Variants in SRL observed in about 807,000 individuals in gnomAD.
The protein encoded by SRL is sarcalumenin.
In SRL, 23 loss-of-function variants were observed where a neutral mutation model predicts 39.5. The observed-to-expected ratio is 0.58, with a 90% CI of 0.42 to 0.82. The LOEUF (loss-of-function observed/expected upper bound fraction) is 0.82. SRL is among the 40% of genes least tolerant of loss of function. SRL has a pLI of 0.00. For synonymous variants in SRL, 272 were observed against 237.4 expected (o/e 1.15, Z -1.34); for missense variants, 592 against 607.8 (o/e 0.97, Z 0.27).
intron 1 of SRL, among the ~76,000 whole-genome samples, chr16:4,206,173 G>A (rs762858156): frequency 3.3e-5 from 5 of 151,998 alleles, no homozygotes; most frequent in East Asian, 3.9e-4. Context: ...TCCTGGCCCC[G>A]AGCCCTTTGA....
At position 4,192,236 on chromosome 16, in the gene SRL, C is replaced by T. The variant is rs754989109; in HGVS notation, c.1339G>A (p.Gly447Arg). Residue 447 changes from glycine (G) to arginine (R), a missense_variant, in exon 6 of 6, where the codon GGG becomes AGG. Physicochemically the swap from Gly to Arg is moderately radical, Grantham distance 125 (BLOSUM62 -2). Transcript: ENST00000399609. This position sits in a 1 kb window ranked among gnomAD's most constrained non-coding sequence, Gnocchi z 4.0. ...AGAGCACCTGGATTCTTCCCGAGCC[C>T]GAGGCTACCCAGGAGGCCCGGAAGC... The part of the protein sequence containing the change: ...QELPGLLGSL[G>R]LGKNPGALNC... The T allele has an allele frequency of 1.5e-5, 24 of 1,611,022 alleles. No individual in the cohort carries two copies. The highest frequency in any genetic ancestry group is 1.8e-5 in the Non-Finnish European group (21 of 1,178,940).
At chr16:4,218,251 G>A (rs1006631039) in intron 1 of SRL, among the ~76,000 whole-genome samples, 4 of 152,068 alleles carry the variant, frequency 2.6e-5, no homozygotes, top group African/African-American at 9.7e-5. Context: ...ACGCAAACGC[G>A]CACTCAGGAA....
intron 1 of SRL, among the ~76,000 whole-genome samples, chr16:4,227,454 T>C (rs555358910): frequency 4.9e-4 from 73 of 150,430 alleles, no homozygotes; most frequent in African/African-American, 1.7e-3. Context: ...GGTGCGTGGA[T>C]AAGTGAATGG....
intron 5 of SRL, 150 bp downstream of exon 5, chr16:4,195,403 G>T: frequency 1.3e-6 from 1 of 749,828 alleles, no homozygotes; most frequent in Non-Finnish European, 2.2e-6. Context: ...TCACTATGTT[G>T]CTCAGGCTGG....
intron 3 of SRL, among the ~76,000 whole-genome samples, chr16:4,198,950 T>C (rs9673193): frequency 0.12 from 17,734 of 152,026 alleles, 3,315 homozygotes; most frequent in African/African-American, 0.4. Context: ...TCAAATCCAG[T>C]GGACAGGGAG....
chr16:4,229,236 G>C (rs920872228), intron 1 of SRL, among the ~76,000 whole-genome samples: 1 of 152,078 alleles, frequency 6.6e-6, no homozygotes, highest in Non-Finnish European at 1.5e-5. Flanking sequence ...AAGGACAGGA[G>C]ATCGAGACCA....
intron 2 of SRL, 30 bp downstream of exon 2, chr16:4,204,503 G>A (rs1450984596): frequency 1.3e-6 from 2 of 1,498,640 alleles, no homozygotes; most frequent in South Asian, 1.2e-5. Context: ...GGCTCTCCCA[G>A]CCCTGGGCAT....
intron 3 of SRL, among the ~76,000 whole-genome samples, chr16:4,201,438 A>G (rs1034055464): frequency 5.3e-5 from 8 of 151,380 alleles, no homozygotes; most frequent in Non-Finnish European, 7.4e-5. Flanking sequence ...CACCACACCC[A>G]GCCAATTTTT....
chr16:4,232,563 T>C (rs2052671047), intron 1 of SRL, among the ~76,000 whole-genome samples: 1 of 151,164 alleles, frequency 6.6e-6, no homozygotes. Context: ...CAGACTGGAG[T>C]GCACTGGCAC....
At chr16:4,230,063 A>AC (rs1449033705) in intron 1 of SRL, among the ~76,000 whole-genome samples, 1 of 151,250 alleles carries the variant, frequency 6.6e-6, no homozygotes, top group Non-Finnish European at 1.5e-5. Context: ...TCAGAGACAC[A>AC]CCCCCTAGGA....
chr16:4,220,681 C>A (rs752817106), intron 1 of SRL, among the ~76,000 whole-genome samples: 11 of 152,174 alleles, frequency 7.2e-5, no homozygotes, highest in African/African-American at 2.4e-4. Flanking sequence ...CTCTGGTGAA[C>A]TTTGTGTCAC....
intron 5 of SRL, among the ~76,000 whole-genome samples, chr16:4,195,128 T>A (rs1228190376): frequency 6.6e-6 from 1 of 151,456 alleles, no homozygotes; most frequent in African/African-American, 2.5e-5. Flanking sequence ...CACCTGGGCT[T>A]AAGTGATCCA....
rs555425307 is a variant in SRL, at chr16:4,205,742, G to A, written c.62-1108C>T. ...CGGGCAGGACCTTCCACAGGGCTTTGGGTTTCATCCCAAGAGCAATGGGAG... is the reference window on the plus strand; with the variant it reads ...CGGGCAGGACCTTCCACAGGGCTTTAGGTTTCATCCCAAGAGCAATGGGAG... On this transcript the variant is annotated intron_variant, in intron 1 of 5. Coordinates refer to ENST00000399609, the MANE Select transcript of SRL (RefSeq NM_001098814.2). Among the ~76,000 whole-genome samples the A allele has an allele frequency of 5.3e-5, 8 of 152,218 alleles. No individual in the cohort carries two copies. The South Asian group carries it at 1.7e-3, about 32-fold the overall frequency.
At chr16:4,193,974 T>A (rs1306075592) in intron 5 of SRL, among the ~76,000 whole-genome samples, 2 of 151,188 alleles carry the variant, frequency 1.3e-5, no homozygotes, top group Admixed American at 6.6e-5. Context: ...ACTACTAATA[T>A]TATTAATTGC....
intron 1 of SRL, among the ~76,000 whole-genome samples, chr16:4,224,282 C>A (rs1804091480): frequency 6.6e-6 from 1 of 152,164 alleles, no homozygotes; most frequent in South Asian, 2.1e-4. Flanking sequence ...AAAACACCAA[C>A]CCTGCCCACC....
Position 4,190,092 on chromosome 16 carries a change from A to C in SRL, c.*2061T>G. 2.5e-6 allele frequency: 1 copy of C among 396,834 alleles called. No individual in the cohort carries two copies. The allele number at this position is 396,834 out of a possible 1,614,324, so 24.6% of individuals were successfully genotyped here. ...CTTTCCTGGTCGACTCGTTCCTTGG[A>C]AACATTGTCCTGAGTGCCCTGGAAC... On this transcript the variant is annotated 3_prime_UTR_variant, in exon 6 of 6. Coordinates refer to ENST00000399609, the MANE Select transcript of SRL (RefSeq NM_001098814.2).
In SRL at chr16:4,203,183, C is replaced by T. The variant is rs201821689; in HGVS notation, c.242G>A (p.Arg81Gln). 57 of 1,614,084 alleles carry T rather than the reference C, an allele frequency of 3.5e-5. No homozygotes were observed. Among genetic ancestry groups the T allele is most frequent in the East Asian group, 2.0e-4 (9 of 44,892 alleles). Residue 81 changes from arginine (R) to glutamine (Q), a missense_variant, in exon 3 of 6, where the codon CGG becomes CAG. Physicochemically the swap from Arg to Gln is conservative, Grantham distance 43. Coordinates refer to ENST00000399609, the MANE Select transcript of SRL (RefSeq NM_001098814.2). The stretch of plus-strand genomic sequence containing the variant: ...AGCCCTACCTGTGATCTCATGCTGC[C>T]GGAGCTCATTGTACTTGTAGGACTG... ...LEQSYKYNEL[R>Q]QHEITDGEIT...
In SRL at chr16:4,195,566, C is replaced by T. The variant is rs2052125689; in HGVS notation, c.597G>A (p.Lys199=). Residue 199 remains lysine, a synonymous_variant, in exon 5 of 6, where the codon AAG becomes AAA. Transcript: ENST00000399609. ...GGGCTAAATTACCTCTTTCTTGCTG[C>T]TTGCGGTTCTCGATGATGCCTGGTG... ...VDTPGIIENR[K]QQERGYPFND... is the part of the protein sequence containing the mutation. 6.2e-7 allele frequency: 1 copy of T among 1,614,044 alleles called. No homozygotes were observed. Among genetic ancestry groups the T allele is most frequent in the Admixed American group, 1.7e-5 (1 of 60,002 alleles).
intron 1 of SRL, chr16:4,207,503 T>G: frequency 6.6e-6 from 3 of 456,702 alleles, no homozygotes; most frequent in Non-Finnish European, 1.3e-5. Flanking sequence ...CTGCGTTCAG[T>G]GGGCCGACCC....
Sources: allele counts gnomAD v4.1 joint callset (sites outside exome capture counted in the v4.1 genomes callset), GRCh38; gene constraint gnomAD v4.1.1; non-coding constraint Gnocchi (gnomAD v3.1); transcripts MANE v1.5; gene names NCBI Gene and HGNC (gene_info 2026-07-23, HGNC 2026-07-21).